The following FRYL variants were observed in gnomAD, a reference collection of about 807,000 sequenced individuals.
FRYL encodes FRY like transcription coactivator, also known as protein furry homolog-like.
In FRYL, 150 loss-of-function variants were observed where a neutral mutation model predicts 351.2. The ratio of observed to expected loss-of-function variants is 0.43; its 90% CI spans 0.37 to 0.49. FRYL has a LOEUF of 0.49. Ranked by LOEUF, FRYL falls within the 20% of genes least tolerant of loss-of-function variation. FRYL has a pLI of 0.00. For missense variants in FRYL, 3,036 were observed against 3,619.3 expected, an observed-to-expected ratio of 0.84 and a Z score of 4.13; for synonymous variants, 1,153 against 1,257.1, an observed-to-expected ratio of 0.92 and a Z score of 1.75.
At chr4:48,533,795 C>A (rs193037217) in intron 49 of FRYL, among the ~76,000 whole-genome samples, 81 of 152,282 alleles carry the variant, frequency 5.3e-4, no homozygotes, top group Non-Finnish European at 9.6e-4. Flanking sequence ...TTTCCACTTT[C>A]TAAATATCTG....
chr4:48,614,309 T>G (rs1161239822), intron 7 of FRYL, among the ~76,000 whole-genome samples: 1 of 152,166 alleles, frequency 6.6e-6, no homozygotes, highest in Non-Finnish European at 1.5e-5. Flanking sequence ...AAGAAAACGT[T>G]CTACTTTCAT....
At chr4:48,665,371 T>A (rs1294014815) in intron 3 of FRYL, among the ~76,000 whole-genome samples, 1 of 152,196 alleles carries the variant, frequency 6.6e-6, no homozygotes, top group Non-Finnish European at 1.5e-5. Flanking sequence ...CATCTGCTCT[T>A]TCCAAATATA....
intron 3 of FRYL, among the ~76,000 whole-genome samples, chr4:48,654,798 G>T (rs922461897): frequency 2.3e-4 from 35 of 152,276 alleles, no homozygotes; most frequent in African/African-American, 8.2e-4. Context: ...GAAAGCAGAC[G>T]CTGTTAAAGC....
At chr4:48,679,462 G>A (rs1764282095) in intron 3 of FRYL, among the ~76,000 whole-genome samples, 1 of 151,992 alleles carries the variant, frequency 6.6e-6, no homozygotes, top group Non-Finnish European at 1.5e-5. Flanking sequence ...AAATGATAAA[G>A]TTTTCAAAGG....
chr4:48,707,665 G>A (rs1767512736), intron 2 of FRYL, among the ~76,000 whole-genome samples: 1 of 152,082 alleles, frequency 6.6e-6, no homozygotes, highest in Admixed American at 6.5e-5. Flanking sequence ...AAAAGAAACT[G>A]TTCCAGGTAA....
At chr4:48,707,603 T>C (rs1448787601) in intron 2 of FRYL, among the ~76,000 whole-genome samples, 3 of 150,724 alleles carry the variant, frequency 2.0e-5, no homozygotes, top group Non-Finnish European at 4.4e-5. Context: ...TTACAGACAC[T>C]AGAAAAAAAA....
intron 1 of FRYL, among the ~76,000 whole-genome samples, chr4:48,737,309 G>C (rs1771557187): frequency 6.8e-6 from 1 of 147,716 alleles, no homozygotes. Context: ...CAATAGTACA[G>C]ATTCCATAAA....
At chr4:48,687,716 C>G (rs1207295508) in intron 2 of FRYL, among the ~76,000 whole-genome samples, 5 of 152,018 alleles carry the variant, frequency 3.3e-5, no homozygotes, top group African/African-American at 9.7e-5. Context: ...ACAACAATCC[C>G]AAGCAAATAG....
At position 48,575,058 on chromosome 4, in the gene FRYL, C is replaced by T. The variant is rs1293930753; in HGVS notation, c.2846+59G>A. 90 of 1,574,246 alleles carry T rather than the reference C, an allele frequency of 5.7e-5. No homozygotes were observed. In the Admixed American group the frequency reaches 1.2e-3, roughly 20 times the overall value. ...CACACCTTCTAAGGACCCTACCACA[C>T]CTTCTAAGTAGCACATTTATTCTTT... is the stretch of plus-strand genomic sequence containing the variant. On this transcript the variant is annotated intron_variant, in intron 25 of 63. Coordinates refer to ENST00000358350, the MANE Select transcript of FRYL (RefSeq NM_015030.2).
intron 1 of FRYL, among the ~76,000 whole-genome samples, chr4:48,719,326 T>C (rs1769209304): frequency 6.6e-6 from 1 of 151,622 alleles, no homozygotes; most frequent in African/African-American, 2.4e-5. Flanking sequence ...CCATGTGGAA[T>C]GCCCTCCCTT....
chr4:48,673,084 G>C (rs544211958), intron 3 of FRYL, among the ~76,000 whole-genome samples: 1 of 152,288 alleles, frequency 6.6e-6, no homozygotes, highest in East Asian at 1.9e-4. Flanking sequence ...ACCAGTATAC[G>C]ATTTAAACAT....
Position 48,499,417 on chromosome 4 carries a change from G to A in FRYL, c.*5C>T. The A allele has an allele frequency of 6.2e-7, 1 of 1,613,498 alleles. No individual in the cohort carries two copies. Among genetic ancestry groups the A allele is most frequent in the Non-Finnish European group, 8.5e-7 (1 of 1,179,494 alleles). On this transcript the variant is annotated 3_prime_UTR_variant, in exon 64 of 64. Transcript: ENST00000358350. ...TTAGTTTCTTTCCTAAAGGCCTGAAGTGTCTCAGAATCCAGTGCTCACCAT... is the reference window on the plus strand; with the variant it reads ...TTAGTTTCTTTCCTAAAGGCCTGAAATGTCTCAGAATCCAGTGCTCACCAT...
At chr4:48,769,073 G>T (rs1014606444) in intron 1 of FRYL, among the ~76,000 whole-genome samples, 2 of 152,126 alleles carry the variant, frequency 1.3e-5, no homozygotes, top group Admixed American at 6.6e-5. Flanking sequence ...GGTAGAGGTT[G>T]CAGTGAACCA....
chr4:48,556,836 C>A, intron 35 of FRYL, 142 bp downstream of exon 35: 1 of 592,838 alleles, frequency 1.7e-6, no homozygotes, highest in South Asian at 3.9e-5. Context: ...TGAATAAATC[C>A]ATGTGCTATT....
In FRYL at chr4:48,544,000, G is replaced by C. The variant is rs1470747127; in HGVS notation, c.5402-3C>G. 6.2e-7 allele frequency: 1 copy of C among 1,612,610 alleles called. No individual in the cohort carries two copies. The highest frequency in any genetic ancestry group is 1.3e-5 in the African/African-American group (1 of 74,862). ...ATGATGTTCCAGATGAATTCCTTCT[G>C]TGAATGCAAAGGAAACGAGTAGGTT... On this transcript the variant is annotated splice_region_variant and splice_polypyrimidine_tract_variant and intron_variant, in intron 43 of 63. Transcript: ENST00000358350.
chr4:48,535,888 T>C, intron 47 of FRYL, 61 bp from the exon 48 acceptor site: 7 of 1,221,818 alleles, frequency 5.7e-6, no homozygotes, highest in Non-Finnish European at 7.6e-6. Context: ...TAACTTGATT[T>C]TATGCTAAAT....
At position 48,549,447 on chromosome 4, in the gene FRYL, G is replaced by A. The variant is rs1578064483; in HGVS notation, c.4784+26C>T. The A allele has an allele frequency of 1.9e-6, 3 of 1,584,470 alleles. No homozygotes were observed. The highest frequency in any genetic ancestry group is 2.6e-6 in the Non-Finnish European group (3 of 1,162,238). On this transcript the variant is annotated intron_variant, in intron 39 of 63. Coordinates refer to ENST00000358350, the MANE Select transcript of FRYL (RefSeq NM_015030.2). This position sits in a 1 kb window ranked among gnomAD's most constrained non-coding sequence, Gnocchi z 4.2. ...TGTTCAGCAGCAACTTGGTGCATAT[G>A]TAAAAGGAATGACGCTGTAGTCCAC...
chr4:48,561,059 G>C (rs968704517), intron 33 of FRYL, among the ~76,000 whole-genome samples: 3 of 152,200 alleles, frequency 2.0e-5, no homozygotes, highest in African/African-American at 7.2e-5. Flanking sequence ...CCTATGGTTA[G>C]GGGTTTCGCT....
At chr4:48,544,728 G>GAA in intron 43 of FRYL, 55 bp downstream of exon 43, 1 of 1,456,544 alleles carries the variant, frequency 6.9e-7, no homozygotes, top group Non-Finnish European at 9.2e-7. Flanking sequence ...AGCATTATCA[G>GAA]AAATTGACAT....
Sources: gnomAD v4.1 joint callset for allele counts (sites outside exome capture counted in the v4.1 genomes callset) on GRCh38, gnomAD v4.1.1 for gene constraint, Gnocchi (gnomAD v3.1) non-coding constraint, MANE v1.5 for transcripts, NCBI Gene and HGNC (gene_info 2026-07-23, HGNC 2026-07-21) for gene names.